The following ATP8A2 variants were observed in gnomAD, a reference collection of about 807,000 sequenced individuals.
The protein encoded by ATP8A2 is ATPase phospholipid transporting 8A2, also known as phospholipid-transporting ATPase IB.
In ATP8A2, 100 loss-of-function variants were observed where a neutral mutation model predicts 165.6. That is an observed-to-expected ratio of 0.60 (90% confidence interval 0.51 to 0.71). ATP8A2 has a LOEUF of 0.71. Ranked by LOEUF, ATP8A2 falls within the 30% of genes least tolerant of loss-of-function variation. The pLI, the probability that ATP8A2 is intolerant of heterozygous loss-of-function variation, is 0.00. For missense variants in ATP8A2, 1,227 were observed against 1,479.5 expected (o/e 0.83, Z 2.80); for synonymous variants, 543 against 548.8 (o/e 0.99, Z 0.15).
chr13:25,586,327 A>G (rs546750927), intron 23 of ATP8A2, among the ~76,000 whole-genome samples: 1 of 152,282 alleles, frequency 6.6e-6, no homozygotes, highest in East Asian at 1.9e-4. Flanking sequence ...AACAAAAATG[A>G]CTGAGAATAG....
intron 5 of ATP8A2, among the ~76,000 whole-genome samples, chr13:25,532,667 T>A (rs1172359699): frequency 2.6e-5 from 4 of 152,154 alleles, no homozygotes; most frequent in Non-Finnish European, 5.9e-5. Context: ...ATTTTTTGTT[T>A]GTTTGTTTCA....
chr13:25,900,486 T>A (rs1953708550), intron 33 of ATP8A2, among the ~76,000 whole-genome samples: 1 of 152,122 alleles, frequency 6.6e-6, no homozygotes, highest in Non-Finnish European at 1.5e-5. Context: ...GGGAGGGGCA[T>A]CTGGTCGCAG....
chr13:25,450,819 C>T (rs2035205489), intron 1 of ATP8A2, among the ~76,000 whole-genome samples: 1 of 152,076 alleles, frequency 6.6e-6, no homozygotes. Flanking sequence ...GCTTGAGCCA[C>T]CGCGCCCAGC....
intron 35 of ATP8A2, among the ~76,000 whole-genome samples, chr13:25,989,701 T>C (rs1187723608): frequency 6.6e-6 from 1 of 152,204 alleles, no homozygotes; most frequent in Non-Finnish European, 1.5e-5. Context: ...CACCAGACAC[T>C]TTAAAGTTGA....
rs138758171 is a variant in ATP8A2 at position 25,723,419 on chromosome 13, T to C, written c.2384+24074T>C. On this transcript the variant is annotated intron_variant, in intron 25 of 36. Transcript: ENST00000381655. The stretch of plus-strand genomic sequence containing the variant: ...CTTGTTAAGGAGATGACATTCCTTA[T>C]CTTTAGCAATGTGTTTTTGCCTTAG... 9.5e-3 allele frequency among the ~76,000 whole-genome samples: 1,446 copies of C among 152,334 alleles called. 27 individuals carry two copies. Among genetic ancestry groups the C allele is most frequent in the African/African-American group, 0.033 (1,368 of 41,584 alleles).
At chr13:25,688,539 A>T (rs912081) in intron 24 of ATP8A2, among the ~76,000 whole-genome samples, 74,621 of 152,174 alleles carry the variant, frequency 0.49, 19,112 homozygotes, top group Middle Eastern at 0.57. Flanking sequence ...AGAGTGCGCC[A>T]CTGCCATTAC....
intron 24 of ATP8A2, among the ~76,000 whole-genome samples, chr13:25,622,709 A>G (rs1052351732): frequency 6.6e-6 from 1 of 152,292 alleles, no homozygotes; most frequent in Middle Eastern, 3.4e-3. Context: ...CAGCATCTCC[A>G]GGGGAATAAA....
intron 27 of ATP8A2, among the ~76,000 whole-genome samples, chr13:25,792,304 C>T (rs2045199827): frequency 6.6e-6 from 1 of 152,210 alleles, no homozygotes; most frequent in Non-Finnish European, 1.5e-5. Flanking sequence ...TTCCTCTCAG[C>T]AGCAGGTTTT....
intron 15 of ATP8A2, among the ~76,000 whole-genome samples, chr13:25,561,038 C>G (rs567856352): frequency 2.0e-5 from 3 of 151,998 alleles, no homozygotes; most frequent in East Asian, 3.9e-4. Flanking sequence ...AGGCGCCCAC[C>G]ACCACACCCA....
intron 24 of ATP8A2, among the ~76,000 whole-genome samples, chr13:25,633,640 A>T (rs977345795): frequency 6.6e-6 from 1 of 152,160 alleles, no homozygotes; most frequent in African/African-American, 2.4e-5. Flanking sequence ...CCTGTAATTT[A>T]GGTGTGAGAT....
At chr13:25,600,464 A>G (rs1355213742) in intron 24 of ATP8A2, among the ~76,000 whole-genome samples, 3 of 152,204 alleles carry the variant, frequency 2.0e-5, no homozygotes, top group Non-Finnish European at 4.4e-5. Flanking sequence ...TCAAGTGTAA[A>G]GATTTAAAAT....
chr13:25,998,158 CA>C (rs1279264589), intron 35 of ATP8A2, among the ~76,000 whole-genome samples: 3 of 152,300 alleles, frequency 2.0e-5, no homozygotes, highest in East Asian at 3.9e-4. Flanking sequence ...CCTGATTCTC[CA>C]TAAGACCTTT....
intron 1 of ATP8A2, among the ~76,000 whole-genome samples, chr13:25,431,411 A>G (rs1366365489): frequency 6.6e-6 from 1 of 152,148 alleles, no homozygotes; most frequent in Admixed American, 6.5e-5. Context: ...AGCCTCCCAA[A>G]GTGCTGGGAT....
chr13:25,913,583 C>T (rs1014554931), intron 33 of ATP8A2, among the ~76,000 whole-genome samples: 11 of 152,106 alleles, frequency 7.2e-5, no homozygotes, highest in African/African-American at 2.4e-4. Flanking sequence ...CATGCCACTG[C>T]CTGAAGCTGG....
chr13:25,568,373 T>C (rs2039376720), intron 16 of ATP8A2, among the ~76,000 whole-genome samples: 1 of 152,230 alleles, frequency 6.6e-6, no homozygotes, highest in Admixed American at 6.5e-5. Context: ...ATGATTTGGA[T>C]AATTTGTAGC....
At chr13:25,462,220 A>G (rs1338348484) in intron 1 of ATP8A2, among the ~76,000 whole-genome samples, 2 of 152,186 alleles carry the variant, frequency 1.3e-5, no homozygotes, top group African/African-American at 2.4e-5. Context: ...TCTAACACCA[A>G]CTACCTGGAG....
intron 23 of ATP8A2, among the ~76,000 whole-genome samples, chr13:25,583,918 G>A (rs1348300677): frequency 1.3e-5 from 2 of 152,144 alleles, no homozygotes; most frequent in South Asian, 2.1e-4. Context: ...TTCTTAGCAA[G>A]TACTCTCCAA....
At chr13:25,561,590 G>A (rs2039157246) in intron 15 of ATP8A2, among the ~76,000 whole-genome samples, 1 of 151,956 alleles carries the variant, frequency 6.6e-6, no homozygotes, top group Non-Finnish European at 1.5e-5. Context: ...GTGATCATTG[G>A]CTGTGTGCTC....
chr13:25,815,078 A>G (rs1950976723), intron 27 of ATP8A2, among the ~76,000 whole-genome samples: 1 of 152,112 alleles, frequency 6.6e-6, no homozygotes, highest in South Asian at 2.1e-4. Flanking sequence ...ACCTAAACGT[A>G]AGACCTAAAA....
Sources: allele counts gnomAD v4.1 joint callset (sites outside exome capture counted in the v4.1 genomes callset), GRCh38; gene constraint gnomAD v4.1.1; transcripts MANE v1.5; gene names NCBI Gene and HGNC (gene_info 2026-07-23, HGNC 2026-07-21).